Variants in NAALADL2 observed in about 807,000 individuals in gnomAD.
NAALADL2 encodes the protein inactive N-acetylated-alpha-linked acidic dipeptidase-like protein 2.
A neutral mutation model predicts 87.2 loss-of-function variants in NAALADL2; 76 were observed. The observed-to-expected ratio is 0.87, with a 90% confidence interval of 0.72 to 1.05. The LOEUF is 1.05. Ranked by LOEUF, NAALADL2 falls within the 50% of genes least tolerant of loss-of-function variation. NAALADL2 has a pLI of 0.00. For missense variants in NAALADL2, 1,089 were observed against 945.8 expected, an observed-to-expected ratio of 1.15 and a Z score of -1.99; for synonymous variants, 354 against 331.0, an observed-to-expected ratio of 1.07 and a Z score of -0.75.
chr3:175,054,258 A>G (rs1278389178), intron 1 of NAALADL2, among the ~76,000 whole-genome samples: 2 of 152,222 alleles, frequency 1.3e-5, no homozygotes, highest in East Asian at 1.9e-4. Flanking sequence ...CTGTAAAACA[A>G]TGAAAATGCT....
At chr3:175,630,333 A>T (rs1727587112) in intron 11 of NAALADL2, among the ~76,000 whole-genome samples, 1 of 151,744 alleles carries the variant, frequency 6.6e-6, no homozygotes, top group Non-Finnish European at 1.5e-5. Flanking sequence ...TCTTTAGTAG[A>T]ACTTTGTTTT....
intron 2 of NAALADL2, among the ~76,000 whole-genome samples, chr3:175,171,739 T>C (rs1257783599): frequency 6.6e-6 from 1 of 152,100 alleles, no homozygotes; most frequent in African/African-American, 2.4e-5. Flanking sequence ...ATAAAAAATA[T>C]GAAATCGTGT....
chr3:174,758,436 A>T (rs1453547636), intron 3 of NAALADL2, among the ~76,000 whole-genome samples: 1 of 152,198 alleles, frequency 6.6e-6, no homozygotes, highest in African/African-American at 2.4e-5. Flanking sequence ...TTCGTCCCTT[A>T]AATGTCATTG....
At chr3:174,607,817 T>G (rs1438253061) in intron 2 of NAALADL2, among the ~76,000 whole-genome samples, 1 of 152,086 alleles carries the variant, frequency 6.6e-6, no homozygotes, top group Non-Finnish European at 1.5e-5. Flanking sequence ...CAAGTGGACC[T>G]AATAGACATC....
At chr3:175,775,092 C>CTTTTTTTT (rs561390280) in intron 13 of NAALADL2, 1 of 130,604 alleles carries the variant, frequency 7.7e-6, no homozygotes, top group African/African-American at 2.8e-5. Context: ...GTAGTAAGGC[C>CTTTTTTTT]TTTTTTTTTT....
At chr3:175,128,338 A>G (rs1009009516) in intron 2 of NAALADL2, among the ~76,000 whole-genome samples, 16 of 152,326 alleles carry the variant, frequency 1.1e-4, no homozygotes, top group African/African-American at 3.8e-4. Context: ...TACATATTTG[A>G]AGATCATGGT....
At chr3:175,644,932 AT>A (rs976586343) in intron 11 of NAALADL2, among the ~76,000 whole-genome samples, 1 of 151,912 alleles carries the variant, frequency 6.6e-6, no homozygotes, top group Admixed American at 6.6e-5. Context: ...AGTGCTGAAA[AT>A]ATCCTTATAA....
intron 1 of NAALADL2, among the ~76,000 whole-genome samples, chr3:175,020,457 T>G (rs1580062535): frequency 6.6e-6 from 1 of 152,196 alleles, no homozygotes; most frequent in East Asian, 1.9e-4. Flanking sequence ...TCTCTTATTA[T>G]CTCCTAATTG....
chr3:175,338,660 CACAA>C (rs1193899914), intron 5 of NAALADL2, among the ~76,000 whole-genome samples: 18 of 102,158 alleles, frequency 1.8e-4, no homozygotes, highest in Admixed American at 3.1e-4. Flanking sequence ...CACACACACA[CACAA>C]ACAAACAAAA....
rs137953254 is a variant in NAALADL2, at chr3:174,929,035, T to C, written c.43+69585T>C. 2.0e-5 allele frequency among the ~76,000 whole-genome samples: 3 copies of C among 152,298 alleles called. No homozygotes were observed. The East Asian group carries it at 5.8e-4, about 29-fold the overall frequency. ...TTAATTTTGATTTTATAAGCTGTTA[T>C]ATGGGAGATATGCATCTCTTAGGAG... On this transcript the variant is annotated intron_variant, in intron 1 of 13. Coordinates refer to ENST00000454872, the MANE Select transcript of NAALADL2 (RefSeq NM_207015.3).
At chr3:175,544,132 T>C (rs1449277210) in intron 9 of NAALADL2, among the ~76,000 whole-genome samples, 1 of 152,172 alleles carries the variant, frequency 6.6e-6, no homozygotes, top group Non-Finnish European at 1.5e-5. Flanking sequence ...AGTTGAGTTA[T>C]GATCTTCTAA....
intron 2 of NAALADL2, among the ~76,000 whole-genome samples, chr3:174,640,961 G>A (rs1723117950): frequency 6.6e-6 from 1 of 152,180 alleles, no homozygotes; most frequent in African/African-American, 2.4e-5. Flanking sequence ...ACCGAGGAAG[G>A]TAGCAGAGAC....
At chr3:175,595,051 C>T (rs1340770632) in intron 10 of NAALADL2, among the ~76,000 whole-genome samples, 5 of 151,904 alleles carry the variant, frequency 3.3e-5, no homozygotes, top group Non-Finnish European at 7.4e-5. Flanking sequence ...ACTTTGGGGA[C>T]ATAGCCAAAA....
intron 2 of NAALADL2, among the ~76,000 whole-genome samples, chr3:174,658,689 T>C (rs1172747529): frequency 1.3e-5 from 2 of 152,184 alleles, no homozygotes; most frequent in African/African-American, 2.4e-5. Flanking sequence ...TTGGCCAGAT[T>C]AATATATTAT....
At chr3:174,865,581 A>G (rs544344821) in intron 1 of NAALADL2, among the ~76,000 whole-genome samples, 11 of 152,002 alleles carry the variant, frequency 7.2e-5, no homozygotes, top group African/African-American at 2.4e-4. Context: ...TCTCCATCAC[A>G]TCCACATTTC....
chr3:175,517,581 T>C (rs902673400), intron 9 of NAALADL2, among the ~76,000 whole-genome samples: 2 of 152,156 alleles, frequency 1.3e-5, no homozygotes, highest in African/African-American at 4.8e-5. Flanking sequence ...TTAATTAATA[T>C]AGAAAACCAG....
At chr3:175,219,739 T>A (rs1474712754) in intron 2 of NAALADL2, among the ~76,000 whole-genome samples, 1 of 151,904 alleles carries the variant, frequency 6.6e-6, no homozygotes, top group Non-Finnish European at 1.5e-5. Context: ...GGCATCATAG[T>A]GCAAGTCAAA....
At chr3:174,672,601 A>G (rs1305707913) in intron 2 of NAALADL2, among the ~76,000 whole-genome samples, 12 of 152,094 alleles carry the variant, frequency 7.9e-5, no homozygotes, top group Non-Finnish European at 4.4e-5. Flanking sequence ...AATACTTTCT[A>G]ATGAGAAGTA....
chr3:174,526,933 C>G (rs1720819184), intron 1 of NAALADL2, among the ~76,000 whole-genome samples: 1 of 152,022 alleles, frequency 6.6e-6, no homozygotes, highest in African/African-American at 2.4e-5. Flanking sequence ...TGTCTCGCCT[C>G]CTGAAGTGCT....
Sources: gnomAD v4.1 joint callset for allele counts (sites outside exome capture counted in the v4.1 genomes callset) on GRCh38, gnomAD v4.1.1 for gene constraint, MANE v1.5 for transcripts, NCBI Gene and HGNC (gene_info 2026-07-23, HGNC 2026-07-21) for gene names.